The following STAG1 variants were observed in gnomAD, a reference collection of about 807,000 sequenced individuals.
The protein encoded by STAG1 is STAG1 cohesin complex component.
In STAG1, 26 loss-of-function variants were observed where a neutral mutation model predicts 170.9. That is an observed-to-expected ratio of 0.15 (90% CI 0.11 to 0.21). STAG1 has a LOEUF of 0.21. Among genes scored for constraint, STAG1 ranks in the 10% least tolerant of loss-of-function variants. The pLI, the probability that STAG1 is intolerant of heterozygous loss-of-function variation, is 1.00. For synonymous variants in STAG1, 514 were observed against 497.7 expected (o/e 1.03, Z -0.44); for missense variants, 964 against 1,509.5 (o/e 0.64, Z 5.99).
Position 136,422,431 on chromosome 3 carries a change from A to G in STAG1, c.2016T>C (p.Ser672=), listed in dbSNP as rs1403919168. 6.2e-7 allele frequency: 1 copy of G among 1,614,050 alleles called. No homozygotes were observed. Among genetic ancestry groups the G allele is most frequent in the Non-Finnish European group, 8.5e-7 (1 of 1,179,988 alleles). The change falls in exon 19 of 34, where the codon TCT becomes TCC. Residue 672 remains serine (S), a synonymous_variant. Transcript: ENST00000383202. ...AGACCTCTTGCAATAGGTCTTCCAC[A>G]GAATGATTGAATCGATCTACAAACT... ...IDEFVDRFNH[S]VEDLLQEGEE...
chr3:136,339,541 T>G (rs1935855185), intron 32 of STAG1, among the ~76,000 whole-genome samples: 1 of 152,034 alleles, frequency 6.6e-6, no homozygotes, highest in Non-Finnish European at 1.5e-5. Flanking sequence ...AAATAAAAAT[T>G]TGTTTACCCA....
chr3:136,398,446 A>AC (rs2087230261), intron 22 of STAG1, among the ~76,000 whole-genome samples: 1 of 151,944 alleles, frequency 6.6e-6, no homozygotes, highest in East Asian at 1.9e-4. Context: ...ATAGCATGTT[A>AC]CCTATCAGAG....
chr3:136,558,938 T>C (rs1420832967), intron 5 of STAG1, among the ~76,000 whole-genome samples: 2 of 152,258 alleles, frequency 1.3e-5, no homozygotes, highest in Admixed American at 1.3e-4. Context: ...GGGGTAATTT[T>C]GCTTCCCAAA....
chr3:136,439,389 GACACACACACACACACACACACACACAC>G (rs753912835), intron 15 of STAG1, among the ~76,000 whole-genome samples: 131 of 95,866 alleles, frequency 1.4e-3, no homozygotes, highest in Non-Finnish European at 2.2e-3. Context: ...AACACCCCCC[GACACACACACACACACACACACACACAC>G]ACACACACAC....
chr3:136,627,870 A>G (rs1247496562), intron 2 of STAG1, among the ~76,000 whole-genome samples: 1 of 152,134 alleles, frequency 6.6e-6, no homozygotes, highest in Admixed American at 6.5e-5. Context: ...TAACTAGTTT[A>G]TCATCTTTTC....
At chr3:136,749,146 A>G (rs554058955) in intron 1 of STAG1, among the ~76,000 whole-genome samples, 33 of 152,312 alleles carry the variant, frequency 2.2e-4, no homozygotes, top group Non-Finnish European at 4.1e-4. Context: ...TACGGTGATT[A>G]TATGACAAAA....
At chr3:136,631,114 C>T (rs575735966) in intron 1 of STAG1, 133 bp from the exon 2 acceptor site, 5 of 484,122 alleles carry the variant, frequency 1.0e-5, no homozygotes, top group Non-Finnish European at 1.8e-5. Context: ...AACCAATGTC[C>T]ACAGATGTTT....
chr3:136,575,902 C>T (rs761333205), intron 4 of STAG1, among the ~76,000 whole-genome samples: 3 of 152,138 alleles, frequency 2.0e-5, no homozygotes, highest in Admixed American at 6.6e-5. Flanking sequence ...TGTTTGCCAG[C>T]GGCCTCCTTG....
chr3:136,421,528 GA>G (rs2087956945), intron 19 of STAG1, among the ~76,000 whole-genome samples: 1 of 152,076 alleles, frequency 6.6e-6, no homozygotes, highest in South Asian at 2.1e-4. Flanking sequence ...AATAATGGTT[GA>G]AAAAAACTGG....
At chr3:136,475,450 A>G (rs886173537) in intron 10 of STAG1, among the ~76,000 whole-genome samples, 2 of 152,100 alleles carry the variant, frequency 1.3e-5, no homozygotes, top group African/African-American at 4.8e-5. Flanking sequence ...CCCAGCCAAC[A>G]GGTTACTCTT....
chr3:136,373,563 G>C (rs1937462856), intron 23 of STAG1, among the ~76,000 whole-genome samples: 2 of 151,850 alleles, frequency 1.3e-5, no homozygotes, highest in Admixed American at 1.3e-4. Context: ...TGTTCTCGTT[G>C]GTTTCAAAGA....
chr3:136,439,220 A>C (rs1168386186), intron 15 of STAG1, among the ~76,000 whole-genome samples: 1 of 84 alleles, frequency 0.012, no homozygotes, highest in African/African-American at 0.025. Context: ...AAAACCCATA[A>C]AAAAAAAAAT....
At chr3:136,423,461 G>A (rs1444449001) in intron 16 of STAG1, among the ~76,000 whole-genome samples, 1 of 152,030 alleles carries the variant, frequency 6.6e-6, no homozygotes, top group East Asian at 1.9e-4. Flanking sequence ...TATTTTTAAA[G>A]CACACACTAA....
intron 7 of STAG1, among the ~76,000 whole-genome samples, chr3:136,506,228 G>A (rs1340953607): frequency 6.6e-6 from 1 of 152,178 alleles, no homozygotes; most frequent in Non-Finnish European, 1.5e-5. Flanking sequence ...CTCAAAGTTT[G>A]CAATAATGAG....
intron 1 of STAG1, among the ~76,000 whole-genome samples, chr3:136,637,430 T>C (rs1443553485): frequency 6.6e-6 from 1 of 152,180 alleles, no homozygotes; most frequent in Non-Finnish European, 1.5e-5. Context: ...CAAAACTGAA[T>C]GATGTGCTCA....
rs1261653731 is a variant in STAG1 at position 136,384,461 on chromosome 3, G to GAA, written c.2278-6711_2278-6710dup. Among the ~76,000 whole-genome samples, 223 of 103,532 alleles carry GAA rather than the reference G, an allele frequency of 2.2e-3. 1 individual carries two copies. Among genetic ancestry groups the GAA allele is most frequent in the African/African-American group, 6.4e-3 (182 of 28,382 alleles). The allele number at this position is 103,532 out of a possible 152,430, so 67.9% of individuals were successfully genotyped here. ...CAAGACTCCGTCTCAAAAAGAAGAAGAAAAAAAAAAAAAAAAGAAATTTGA... is the reference window on the plus strand; with the variant it reads ...CAAGACTCCGTCTCAAAAAGAAGAAGAAAAAAAAAAAAAAAAAAGAAATTTGA... On this transcript the variant is annotated intron_variant, in intron 22 of 33. Transcript: ENST00000383202.
At chr3:136,735,353 T>C (rs955734296) in intron 1 of STAG1, among the ~76,000 whole-genome samples, 1 of 152,262 alleles carries the variant, frequency 6.6e-6, no homozygotes, top group African/African-American at 2.4e-5. Flanking sequence ...CTCAAACTCA[T>C]GAGCCCAAGC....
chr3:136,376,492 G>A (rs1015832134), intron 23 of STAG1, among the ~76,000 whole-genome samples: 2 of 151,650 alleles, frequency 1.3e-5, no homozygotes, highest in African/African-American at 4.8e-5. Context: ...CTACACCATT[G>A]TCCAAGTATA....
intron 1 of STAG1, among the ~76,000 whole-genome samples, chr3:136,734,390 C>T (rs1240730285): frequency 6.6e-6 from 1 of 152,164 alleles, no homozygotes; most frequent in African/African-American, 2.4e-5. Flanking sequence ...AGTAGTGTCT[C>T]AAACTACCAC....
Sources: allele counts gnomAD v4.1 joint callset (sites outside exome capture counted in the v4.1 genomes callset), GRCh38; gene constraint gnomAD v4.1.1; transcripts MANE v1.5; gene names NCBI Gene and HGNC (gene_info 2026-07-23, HGNC 2026-07-21).